SLC37A1: variants seen among roughly 807,000 people sequenced by gnomAD.
The protein encoded by SLC37A1 is glucose-6-phosphate exchanger SLC37A1.
SLC37A1 carries 49 observed loss-of-function variants against 75.3 expected under a neutral mutation model. That is an observed-to-expected ratio of 0.65 (90% CI 0.52 to 0.83). SLC37A1 has a LOEUF of 0.83. Ranked by LOEUF, SLC37A1 falls within the 40% of genes least tolerant of loss-of-function variation. The probability of loss-of-function intolerance (pLI) is 0.00; values close to 1 mark genes in which losing one functional copy is unlikely to be tolerated. For synonymous variants in SLC37A1, 268 were observed against 292.1 expected (o/e 0.92, Z 0.84); for missense variants, 566 against 695.0 (o/e 0.81, Z 2.09).
At chr21:42,553,729 T>A (rs117662602) in intron 9 of SLC37A1, among the ~76,000 whole-genome samples, 8,963 of 152,194 alleles carry the variant, frequency 0.059, 376 homozygotes, top group Middle Eastern at 0.11. Context: ...TCCTCACATG[T>A]TAAAGGGAAA....
In SLC37A1 at chr21:42,543,503, G is replaced by T; in HGVS notation, c.631G>T (p.Ala211Ser). ...SVGNILGSLIAGYWVSTCWGL... is the reference protein window; with the variant it reads ...SVGNILGSLISGYWVSTCWGL... ...GGGCAACATCTTGGGGTCATTGATC[G>T]CTGGCTACTGGGTGTCCACATGCTG... Residue 211 changes from alanine (A) to serine (S), a missense_variant, in exon 8 of 20, where the codon GCT (alanine) becomes TCT (serine). By Grantham distance (99) the Ala-to-Ser change is moderately conservative. Coordinates refer to ENST00000352133, the MANE Select transcript of SLC37A1 (RefSeq NM_001320537.2). 3 of 1,614,180 alleles carry T rather than the reference G, an allele frequency of 1.9e-6. No homozygotes were observed. The highest frequency in any genetic ancestry group is 1.6e-4 in the Middle Eastern group (1 of 6,062).
At chr21:42,522,397 C>T (rs2054673535) in intron 2 of SLC37A1, among the ~76,000 whole-genome samples, 1 of 152,180 alleles carries the variant, frequency 6.6e-6, no homozygotes, top group East Asian at 1.9e-4. Flanking sequence ...TTGAGCCCAT[C>T]CATGCTGCAG....
At chr21:42,507,382 G>C (rs188570411) in intron 2 of SLC37A1, among the ~76,000 whole-genome samples, 15 of 152,304 alleles carry the variant, frequency 9.8e-5, no homozygotes, top group African/African-American at 3.6e-4. Context: ...AGGCTGTGAG[G>C]GGGACTGGCT....
chr21:42,547,338 A>T lies in SLC37A1; in HGVS notation c.768+198A>T, dbSNP rs1181048650. 5.0e-6 allele frequency: 3 copies of T among 600,918 alleles called. No individual in the cohort carries two copies. Among genetic ancestry groups the T allele is most frequent in the Non-Finnish European group, 8.9e-6 (3 of 338,612 alleles). The allele number at this position is 600,918 out of a possible 1,614,324, so 37.2% of individuals were successfully genotyped here. ...GATAATAACCTTATCAGCAAAACCC[A>T]GACAAGAGGTTCAATGCTGTCCAGA... On this transcript the variant is annotated intron_variant, in intron 9 of 19. Coordinates refer to ENST00000352133, the MANE Select transcript of SLC37A1 (RefSeq NM_001320537.2). The surrounding 1 kb of genome is among the most constrained non-coding windows in gnomAD (Gnocchi z 6.1).
chr21:42,544,628 G>C (rs1257611807), intron 8 of SLC37A1, among the ~76,000 whole-genome samples: 3 of 152,232 alleles, frequency 2.0e-5, no homozygotes, highest in Non-Finnish European at 4.4e-5. Context: ...CGCTTCTGCA[G>C]AGGCTGAGTA....
At chr21:42,516,176 T>C (rs1175265678) in intron 1 of SLC37A1, among the ~76,000 whole-genome samples, 1 of 152,234 alleles carries the variant, frequency 6.6e-6, no homozygotes, top group Non-Finnish European at 1.5e-5. Flanking sequence ...ATCTCTTCTT[T>C]TTATGTACTT....
intron 19 of SLC37A1, 24 bp downstream of exon 19, chr21:42,579,824 T>C: frequency 6.2e-7 from 1 of 1,613,094 alleles, no homozygotes; most frequent in South Asian, 1.1e-5. Context: ...GGGCCCTGTC[T>C]CCGTGCGTGA....
At chr21:42,570,797 C>T (rs2056140540) in intron 17 of SLC37A1, among the ~76,000 whole-genome samples, 1 of 152,166 alleles carries the variant, frequency 6.6e-6, no homozygotes, top group African/African-American at 2.4e-5. Flanking sequence ...AGGGTGGAGA[C>T]CCTGCGTCTG....
chr21:42,547,071 C>A lies in SLC37A1; in HGVS notation c.731-32C>A. On this transcript the variant is annotated intron_variant, in intron 8 of 19. Transcript: ENST00000352133. This position sits in a 1 kb window ranked among gnomAD's most constrained non-coding sequence, Gnocchi z 6.1. ...ACTTGGCATTGCCATGGTGGTGGAC[C>A]TGCTCAGCCTCACTCATGTTTGCTC... 1.2e-6 allele frequency: 2 copies of A among 1,614,132 alleles called. No individual in the cohort carries two copies. Among genetic ancestry groups the A allele is most frequent in the Non-Finnish European group, 1.7e-6 (2 of 1,179,994 alleles).
Position 42,565,819 on chromosome 21 carries a change from G to T in SLC37A1, c.1222-8G>T. 1 of 1,613,774 alleles carries T rather than the reference G, an allele frequency of 6.2e-7. No individual in the cohort carries two copies. The highest frequency in any genetic ancestry group is 8.5e-7 in the Non-Finnish European group (1 of 1,179,772). Reference sequence around the variant, plus strand: ...CATGGCTTTGACCTTGTGTCTTGATGTCCACAGCTCTACATCTTCTCCACC... The same window carrying T: ...CATGGCTTTGACCTTGTGTCTTGATTTCCACAGCTCTACATCTTCTCCACC... On this transcript the variant is annotated splice_region_variant and splice_polypyrimidine_tract_variant and intron_variant, in intron 14 of 19. Transcript: ENST00000352133.
chr21:42,532,335 T>C (rs2055007085), intron 3 of SLC37A1, among the ~76,000 whole-genome samples: 1 of 152,250 alleles, frequency 6.6e-6, no homozygotes, highest in Non-Finnish European at 1.5e-5. Context: ...AGCGGCGGCC[T>C]GCAGAATCTC....
At chr21:42,563,625 T>A (rs2146989945) in intron 12 of SLC37A1, among the ~76,000 whole-genome samples, 190 bp from the exon 13 acceptor site, 1 of 152,330 alleles carries the variant, frequency 6.6e-6, no homozygotes, top group Non-Finnish European at 1.5e-5. Context: ...CCACGGTTTT[T>A]GGTTAAGAGT....
chr21:42,507,216 T>G (rs1248337970), intron 2 of SLC37A1, among the ~76,000 whole-genome samples: 1 of 152,218 alleles, frequency 6.6e-6, no homozygotes, highest in Non-Finnish European at 1.5e-5. Flanking sequence ...GTTACATAAG[T>G]CTTTTTTAGA....
At chr21:42,551,891 C>T (rs1471894903) in intron 9 of SLC37A1, among the ~76,000 whole-genome samples, 1 of 151,702 alleles carries the variant, frequency 6.6e-6, no homozygotes, top group Non-Finnish European at 1.5e-5. Flanking sequence ...AAAAAATGGT[C>T]ATTTTTTCTA....
In SLC37A1 at chr21:42,570,264, C is replaced by CGGCG. The variant is rs1569041671; in HGVS notation, c.1423+1829_1423+1830insGGGC. Among the ~76,000 whole-genome samples, 56 of 130,774 alleles carry CGGCG rather than the reference C, an allele frequency of 4.3e-4. 17 individuals are homozygous for CGGCG. Among genetic ancestry groups the CGGCG allele is most frequent in the South Asian group, 5.3e-4 (2 of 3,800 alleles). 85.8% of individuals were successfully genotyped at this position (130,774 alleles called of 152,430 possible). A position where few individuals can be genotyped will look rare whatever the true frequency, so the allele number is the denominator to read the frequency against. On this transcript the variant is annotated intron_variant, in intron 17 of 19. Coordinates refer to ENST00000352133, the MANE Select transcript of SLC37A1 (RefSeq NM_001320537.2). ...TGACACACGGCCTGGTTCTGAGAAG[C>CGGCG]GGCAGGCAGGGTGGCCGTTGTCATG...
intron 17 of SLC37A1, among the ~76,000 whole-genome samples, chr21:42,569,584 A>T (rs2056075043): frequency 6.7e-6 from 1 of 150,368 alleles, no homozygotes. Context: ...CTTTGCCCAG[A>T]TATCATCCTC....
At chr21:42,518,939 C>T (rs184844416) in intron 2 of SLC37A1, among the ~76,000 whole-genome samples, 8 of 152,362 alleles carry the variant, frequency 5.3e-5, no homozygotes, top group Admixed American at 3.9e-4. Flanking sequence ...GCCCAGAATG[C>T]TGCTTTCCGT....
In SLC37A1 at chr21:42,564,572, G is replaced by C. The variant is rs151106991; in HGVS notation, c.1136-136G>C. ...GTGGGGAGGTCAGGGCTGTGAGAAG[G>C]CTGCCTGCCCGTGATGCATGGAGAG... is the stretch of plus-strand genomic sequence containing the variant. On this transcript the variant is annotated intron_variant, in intron 13 of 19. Coordinates refer to ENST00000352133, the MANE Select transcript of SLC37A1 (RefSeq NM_001320537.2). 407 of 676,586 alleles carry C rather than the reference G, an allele frequency of 6.0e-4. 4 individuals carry two copies. The African/African-American group carries it at 6.3e-3, about 10-fold the overall frequency. 41.9% of individuals were successfully genotyped at this position (676,586 alleles called of 1,614,324 possible). A position where few individuals can be genotyped will look rare whatever the true frequency, so the allele number is the denominator to read the frequency against.
At chr21:42,575,560 G>T (rs1403091864) in intron 18 of SLC37A1, 15 of 985,260 alleles carry the variant, frequency 1.5e-5, no homozygotes, top group Non-Finnish European at 1.8e-5. Context: ...GACCAGTGAT[G>T]ATGTCACAGT....
Sources: allele counts gnomAD v4.1 joint callset (sites outside exome capture counted in the v4.1 genomes callset), GRCh38; gene constraint gnomAD v4.1.1; non-coding constraint Gnocchi (gnomAD v3.1); transcripts MANE v1.5; gene names NCBI Gene and HGNC (gene_info 2026-07-23, HGNC 2026-07-21).